XRCC4: variants seen among roughly 807,000 people sequenced by gnomAD.
XRCC4 encodes DNA repair protein XRCC4.
A neutral mutation model predicts 39.1 loss-of-function variants in XRCC4; 28 were observed. The ratio of observed to expected loss-of-function variants is 0.72; its 90% confidence interval spans 0.53 to 0.98. The LOEUF (loss-of-function observed/expected upper bound fraction) is 0.98, where lower values mean the gene tolerates loss of function less well. XRCC4 is among the 50% of genes least tolerant of loss of function. The pLI is 0.00. For missense variants in XRCC4, 350 were observed against 376.4 expected (o/e 0.93, Z 0.58); for synonymous variants, 123 against 126.4 (o/e 0.97, Z 0.18).
chr5:83,259,840 A>T (rs889286713), intron 7 of XRCC4, among the ~76,000 whole-genome samples: 5 of 152,106 alleles, frequency 3.3e-5, no homozygotes, highest in Non-Finnish European at 7.4e-5. Context: ...TTTAAAGTAT[A>T]AAGTATTCCT....
chr5:83,313,965 A>G (rs1040436827), intron 7 of XRCC4, among the ~76,000 whole-genome samples: 3 of 152,118 alleles, frequency 2.0e-5, no homozygotes, highest in Admixed American at 1.3e-4. Context: ...TAGCTTTCTG[A>G]GTAAAGAATT....
At chr5:83,138,183 A>G (rs1445035765) in intron 3 of XRCC4, among the ~76,000 whole-genome samples, 1 of 152,082 alleles carries the variant, frequency 6.6e-6, no homozygotes, top group Non-Finnish European at 1.5e-5. Context: ...TATGCTTCTG[A>G]TGTTATCTCT....
chr5:83,124,120 C>T (rs73142148), intron 3 of XRCC4, among the ~76,000 whole-genome samples: 2,736 of 152,092 alleles, frequency 0.018, 73 homozygotes, highest in African/African-American at 0.063. Context: ...TTTTTATGTG[C>T]ACTGTTTTTA....
chr5:83,128,705 T>A (rs1485825770), intron 3 of XRCC4, among the ~76,000 whole-genome samples: 1 of 152,206 alleles, frequency 6.6e-6, no homozygotes, highest in Non-Finnish European at 1.5e-5. Context: ...GGTTTTGATT[T>A]GCATTTCTCT....
intron 7 of XRCC4, among the ~76,000 whole-genome samples, chr5:83,328,890 A>G (rs976539606): frequency 4.6e-5 from 7 of 152,082 alleles, no homozygotes; most frequent in Admixed American, 3.3e-4. Context: ...GAAGGAATCA[A>G]CTATATAATA....
At chr5:83,331,319 C>T (rs561115296) in intron 7 of XRCC4, among the ~76,000 whole-genome samples, 2 of 152,126 alleles carry the variant, frequency 1.3e-5, no homozygotes, top group South Asian at 4.1e-4. Context: ...CCTTGGAGCT[C>T]TAAGATTCAG....
intron 4 of XRCC4, among the ~76,000 whole-genome samples, chr5:83,197,004 T>C (rs1750979771): frequency 6.6e-6 from 1 of 151,828 alleles, no homozygotes; most frequent in South Asian, 2.1e-4. Flanking sequence ...ATGCAAAACA[T>C]GTAAAATTAA....
At chr5:83,256,444 C>T (rs1753540481) in intron 6 of XRCC4, among the ~76,000 whole-genome samples, 1 of 152,080 alleles carries the variant, frequency 6.6e-6, no homozygotes, top group African/African-American at 2.4e-5. Context: ...TTAATTTAAA[C>T]TTAATATTCT....
At chr5:83,189,011 A>G (rs981078810) in intron 3 of XRCC4, among the ~76,000 whole-genome samples, 9 of 152,214 alleles carry the variant, frequency 5.9e-5, no homozygotes, top group African/African-American at 2.2e-4. Flanking sequence ...TAGCAGGCAA[A>G]TAATAGGCAA....
chr5:83,276,173 G>A (rs1020766614), intron 7 of XRCC4, among the ~76,000 whole-genome samples: 2 of 152,172 alleles, frequency 1.3e-5, no homozygotes, highest in Admixed American at 1.3e-4. Flanking sequence ...TCAAGATGCT[G>A]AGCCAAATCA....
At chr5:83,185,441 A>T (rs538883386) in intron 3 of XRCC4, among the ~76,000 whole-genome samples, 187 of 148,028 alleles carry the variant, frequency 1.3e-3, no homozygotes, top group Middle Eastern at 3.5e-3. Context: ...TATATATATA[A>T]AACTTAATGA....
At chr5:83,284,034 CCTT>C (rs1426620131) in intron 7 of XRCC4, among the ~76,000 whole-genome samples, 2 of 122,046 alleles carry the variant, frequency 1.6e-5, no homozygotes, top group African/African-American at 6.9e-5. Context: ...TTCCCAAAAA[CCTT>C]CTACCAACCC....
chr5:83,182,154 A>G (rs1299999648), intron 3 of XRCC4, among the ~76,000 whole-genome samples: 1 of 152,152 alleles, frequency 6.6e-6, no homozygotes, highest in Non-Finnish European at 1.5e-5. Context: ...TGAGCAGAGT[A>G]TAGAATAGTT....
intron 3 of XRCC4, among the ~76,000 whole-genome samples, chr5:83,112,479 C>G (rs956033551): frequency 2.0e-5 from 3 of 152,102 alleles, no homozygotes. Flanking sequence ...ATAATAAATT[C>G]CAAATTAGTG....
chr5:83,160,805 C>A (rs1749168439), intron 3 of XRCC4, among the ~76,000 whole-genome samples: 1 of 151,744 alleles, frequency 6.6e-6, no homozygotes, highest in South Asian at 2.1e-4. Flanking sequence ...CAGACCTCTA[C>A]CCACCCCGCC....
chr5:83,374,329 T>C, the XRCC4 span, among the ~76,000 whole-genome samples: 1 of 152,226 alleles, frequency 6.6e-6, no homozygotes, highest in Non-Finnish European at 1.5e-5. Context: ...GATGATTTTA[T>C]AAGGGGCTTC....
At chr5:83,334,699 CA>C (rs1332150973) in intron 7 of XRCC4, among the ~76,000 whole-genome samples, 2 of 151,392 alleles carry the variant, frequency 1.3e-5, no homozygotes, top group Non-Finnish European at 2.9e-5. Flanking sequence ...ATAAGATAGA[CA>C]CTAAAATATC....
chr5:83,176,143 C>G (rs188642910), intron 3 of XRCC4, among the ~76,000 whole-genome samples: 48 of 152,268 alleles, frequency 3.2e-4, no homozygotes, highest in African/African-American at 1.1e-3. Flanking sequence ...ATAATCTATA[C>G]TAAACATTAG....
At chr5:83,357,935 G>C (rs560856389), downstream of XRCC4, among the ~76,000 whole-genome samples, 6 of 152,138 alleles carry the variant, frequency 3.9e-5, no homozygotes, top group East Asian at 7.7e-4. Flanking sequence ...ATTCACAAAG[G>C]CCTCACGAAT....
Sources: gnomAD v4.1 joint callset for allele counts (sites outside exome capture counted in the v4.1 genomes callset) on GRCh38, gnomAD v4.1.1 for gene constraint, MANE v1.5 for transcripts, NCBI Gene and HGNC (gene_info 2026-07-23, HGNC 2026-07-21) for gene names.